Variants in BLTP3A observed in about 807,000 individuals in gnomAD.
BLTP3A encodes the protein ICBP90 binding protein 1.
the BLTP3A span, among the ~76,000 whole-genome samples, chr6:34,865,243 T>G: frequency 6.6e-6 from 1 of 152,198 alleles, no homozygotes; most frequent in Non-Finnish European, 1.5e-5. Context: ...TCTCTGCTTT[T>G]ATGAGTACAG....
chr6:34,855,613 AT>A, the BLTP3A span: 5 of 1,612,928 alleles, frequency 3.1e-6, no homozygotes, highest in Non-Finnish European at 4.2e-6. Flanking sequence ...TTTTTATTTT[AT>A]AGGTGTCTCT....
chr6:34,871,874 C>G, the BLTP3A span: 2 of 1,614,194 alleles, frequency 1.2e-6, no homozygotes, highest in South Asian at 2.2e-5. Flanking sequence ...AGAGACAGCC[C>G]CCAAAAGAAC....
At chr6:34,854,187 A>T in the BLTP3A span, among the ~76,000 whole-genome samples, 1 of 152,228 alleles carries the variant, frequency 6.6e-6, no homozygotes, top group Non-Finnish European at 1.5e-5. Flanking sequence ...GTGCCACCGC[A>T]CTCCAGCCTG....
chr6:34,829,213 T>G, the BLTP3A span, among the ~76,000 whole-genome samples: 20 of 152,194 alleles, frequency 1.3e-4, no homozygotes, highest in African/African-American at 3.9e-4. Flanking sequence ...TTTAGAACAT[T>G]TTCATCACCC....
the BLTP3A span, among the ~76,000 whole-genome samples, chr6:34,815,895 G>T: frequency 2.0e-5 from 3 of 152,094 alleles, no homozygotes; most frequent in Non-Finnish European, 2.9e-5. Flanking sequence ...TGATCTGTCC[G>T]CCTCGGCCTC....
the BLTP3A span, among the ~76,000 whole-genome samples, chr6:34,842,439 A>G: frequency 6.6e-6 from 1 of 152,124 alleles, no homozygotes; most frequent in South Asian, 2.1e-4. Context: ...CCCATTTTGA[A>G]TCCCTAAGCA....
the BLTP3A span, among the ~76,000 whole-genome samples, chr6:34,814,491 A>G: frequency 6.6e-6 from 1 of 152,258 alleles, no homozygotes; most frequent in Non-Finnish European, 1.5e-5. Context: ...TCATTATTAC[A>G]GTCACAGGAG....
the BLTP3A span, among the ~76,000 whole-genome samples, chr6:34,804,583 C>T: frequency 6.6e-6 from 1 of 152,040 alleles, no homozygotes; most frequent in Non-Finnish European, 1.5e-5. Flanking sequence ...AGGAGATTGC[C>T]TATGGTTCTG....
At chr6:34,850,159 GT>G in the BLTP3A span, among the ~76,000 whole-genome samples, 2 of 150,936 alleles carry the variant, frequency 1.3e-5, no homozygotes, top group South Asian at 2.1e-4. Context: ...AAAAAAAAAA[GT>G]TTTTTTCCTT....
the BLTP3A span, chr6:34,871,515 G>A: frequency 6.8e-7 from 1 of 1,463,922 alleles, no homozygotes; most frequent in South Asian, 1.1e-5. Context: ...CTGAATGATG[G>A]GAGCATGGGT....
At chr6:34,854,669 G>A in the BLTP3A span, among the ~76,000 whole-genome samples, 1 of 152,146 alleles carries the variant, frequency 6.6e-6, no homozygotes, top group South Asian at 2.1e-4. Flanking sequence ...CATTGTGTAG[G>A]GGTCTCTCTT....
the BLTP3A span, among the ~76,000 whole-genome samples, chr6:34,806,933 T>A: frequency 6.6e-6 from 1 of 152,186 alleles, no homozygotes; most frequent in African/African-American, 2.4e-5. Context: ...GTGCTGAGAT[T>A]ACAGGCATGA....
the BLTP3A span, among the ~76,000 whole-genome samples, chr6:34,806,520 A>G: frequency 1.3e-5 from 2 of 152,180 alleles, no homozygotes; most frequent in African/African-American, 2.4e-5. Flanking sequence ...ATGTTGGTCA[A>G]AGTTAGGGTC....
the BLTP3A span, chr6:34,872,315 GA>G: frequency 6.2e-7 from 1 of 1,604,592 alleles, no homozygotes; most frequent in South Asian, 1.1e-5. Context: ...TTCCTCAGGT[GA>G]AAGAACTGCC....
At chr6:34,857,505 T>C in the BLTP3A span, 4 of 1,600,516 alleles carry the variant, frequency 2.5e-6, no homozygotes, top group East Asian at 8.9e-5. Context: ...TCTGTCTAGC[T>C]CATGCTTTTC....
At chr6:34,858,494 G>C in the BLTP3A span, 3 of 1,614,056 alleles carry the variant, frequency 1.9e-6, no homozygotes, top group Non-Finnish European at 1.7e-6. Flanking sequence ...AACTTCAAAG[G>C]CCATACCTTG....
chr6:34,853,555 A>ATTCTT, the BLTP3A span, among the ~76,000 whole-genome samples: 35 of 151,560 alleles, frequency 2.3e-4, no homozygotes, highest in Non-Finnish European at 4.7e-4. Context: ...TCCTCTAAAA[A>ATTCTT]TTCTTTTCTT....
the BLTP3A span, among the ~76,000 whole-genome samples, chr6:34,793,232 A>G: frequency 6.6e-6 from 1 of 152,204 alleles, no homozygotes; most frequent in Non-Finnish European, 1.5e-5. Flanking sequence ...GGTTGTCACA[A>G]CCAGTGGCCA....
the BLTP3A span, among the ~76,000 whole-genome samples, chr6:34,827,714 C>T: frequency 6.6e-6 from 1 of 152,152 alleles, no homozygotes; most frequent in Admixed American, 6.5e-5. Context: ...TCACTGCAAC[C>T]TCTGCCTCCC....
Sources: allele counts gnomAD v4.1 joint callset (sites outside exome capture counted in the v4.1 genomes callset), GRCh38; gene constraint gnomAD v4.1.1; transcripts MANE v1.5; gene names NCBI Gene and HGNC (gene_info 2026-07-23, HGNC 2026-07-21).